MDGA2: variants seen among roughly 807,000 people sequenced by gnomAD.
The protein encoded by MDGA2 is MAM domain-containing glycosylphosphatidylinositol anchor protein 2.
Under a neutral mutation model 117.8 loss-of-function variants are expected in MDGA2, and 40 were observed. The ratio of observed to expected loss-of-function variants is 0.34; its 90% CI spans 0.26 to 0.44. MDGA2 has a LOEUF of 0.44. Among genes scored for constraint, MDGA2 ranks in the 20% least tolerant of loss-of-function variants. MDGA2 has a pLI of 1.00. For synonymous variants in MDGA2, 452 were observed against 439.0 expected, an observed-to-expected ratio of 1.03 and a Z score of -0.37; for missense variants, 1,123 against 1,250.6, an observed-to-expected ratio of 0.90 and a Z score of 1.54.
chr14:46,873,117 TC>T (rs1882081095), intron 14 of MDGA2, among the ~76,000 whole-genome samples: 1 of 151,996 alleles, frequency 6.6e-6, no homozygotes. Context: ...GAAGCATGTT[TC>T]TTCGGAAAGA....
rs1234572730 is a variant in MDGA2 at position 47,164,206 on chromosome 14, C to G, written c.596-19932G>C. On this transcript the variant is annotated intron_variant, in intron 3 of 16. Coordinates refer to ENST00000399232, the MANE Select transcript of MDGA2 (RefSeq NM_001113498.3). ...GCTATAAATTAACTCCATTCCCTCT[C>G]CCACTGGCCCTGAAAGCCTATGTGA... 2.0e-5 allele frequency among the ~76,000 whole-genome samples: 3 copies of G among 152,278 alleles called. No individual in the cohort carries two copies. The East Asian group carries it at 5.8e-4, about 29-fold the overall frequency.
intron 1 of MDGA2, among the ~76,000 whole-genome samples, chr14:47,474,139 G>T (rs568432869): frequency 6.6e-4 from 100 of 152,212 alleles, no homozygotes; most frequent in African/African-American, 2.0e-3. Context: ...AAACTCTCAG[G>T]ATACAAAAGA....
At chr14:47,299,982 T>TA (rs1206879709) in intron 2 of MDGA2, among the ~76,000 whole-genome samples, 1 of 152,236 alleles carries the variant, frequency 6.6e-6, no homozygotes, top group African/African-American at 2.4e-5. Flanking sequence ...GCATGAGTTT[T>TA]ATTAAACATA....
At chr14:47,444,258 G>A (rs972010657) in intron 1 of MDGA2, 3 of 167,164 alleles carry the variant, frequency 1.8e-5, no homozygotes, top group South Asian at 3.0e-4. Flanking sequence ...GTTGTACATC[G>A]AAGTTGAGGC....
At chr14:47,441,518 T>C (rs1490304337) in intron 1 of MDGA2, among the ~76,000 whole-genome samples, 2 of 152,178 alleles carry the variant, frequency 1.3e-5, no homozygotes, top group Non-Finnish European at 2.9e-5. Flanking sequence ...AATTAAGAGA[T>C]AATCTAACTC....
chr14:46,983,833 G>C (rs1886770406), intron 8 of MDGA2, among the ~76,000 whole-genome samples: 1 of 151,936 alleles, frequency 6.6e-6, no homozygotes, highest in South Asian at 2.1e-4. Flanking sequence ...TTCTCCATCT[G>C]ACAAACTGCT....
intron 8 of MDGA2, among the ~76,000 whole-genome samples, chr14:46,982,490 C>G (rs1291793073): frequency 6.6e-6 from 1 of 151,670 alleles, no homozygotes; most frequent in Non-Finnish European, 1.5e-5. Context: ...GCAGGCAGAT[C>G]ACGAGGTCAG....
intron 9 of MDGA2, among the ~76,000 whole-genome samples, chr14:46,955,184 C>G (rs1539222): frequency 0.4 from 60,746 of 151,726 alleles, 15,921 homozygotes; most frequent in African/African-American, 0.74. Context: ...TAAAATAGAA[C>G]TATTTATGTC....
chr14:47,170,070 G>T (rs987469121), intron 3 of MDGA2, among the ~76,000 whole-genome samples: 6 of 152,086 alleles, frequency 3.9e-5, no homozygotes, highest in Admixed American at 3.3e-4. Flanking sequence ...TCAATCACCA[G>T]AATAACTCCT....
intron 1 of MDGA2, among the ~76,000 whole-genome samples, chr14:47,456,369 C>T (rs964551125): frequency 5.3e-5 from 8 of 150,468 alleles, no homozygotes; most frequent in East Asian, 4.0e-4. Context: ...CTCGACTCAC[C>T]GCAACCTCTG....
intron 1 of MDGA2, among the ~76,000 whole-genome samples, chr14:47,470,326 T>C (rs892687271): frequency 5.4e-5 from 8 of 147,232 alleles, no homozygotes; most frequent in African/African-American, 2.0e-4. Flanking sequence ...CCATGTGTTC[T>C]CATTGTTCAA....
chr14:46,910,417 A>G (rs1595038234), intron 10 of MDGA2, among the ~76,000 whole-genome samples: 1 of 152,270 alleles, frequency 6.6e-6, no homozygotes, highest in South Asian at 2.1e-4. Context: ...TGACTCTTTT[A>G]GTGTCTCCCC....
intron 2 of MDGA2, chr14:47,299,429 C>T (rs1045861522): frequency 6.6e-6 from 1 of 152,154 alleles, no homozygotes; most frequent in Non-Finnish European, 1.5e-5. Context: ...CTCAATGAGT[C>T]TTCTCTTGCC....
intron 9 of MDGA2, among the ~76,000 whole-genome samples, chr14:46,926,065 T>C (rs1453538869): frequency 1.3e-5 from 2 of 152,278 alleles, no homozygotes; most frequent in East Asian, 3.9e-4. Flanking sequence ...GCTTGCAGAA[T>C]ACAGGAAAAA....
At chr14:47,107,630 T>A (rs369037143) in intron 5 of MDGA2, among the ~76,000 whole-genome samples, 4 of 151,456 alleles carry the variant, frequency 2.6e-5, no homozygotes, top group South Asian at 4.2e-4. Context: ...ATAATTCTCA[T>A]AAAAACACAC....
At chr14:47,367,839 C>T (rs549928315) in intron 1 of MDGA2, among the ~76,000 whole-genome samples, 1 of 152,152 alleles carries the variant, frequency 6.6e-6, no homozygotes, top group Non-Finnish European at 1.5e-5. Context: ...ATAAGATTAT[C>T]TATTACTAAA....
chr14:47,062,089 T>C (rs906821279), intron 6 of MDGA2, among the ~76,000 whole-genome samples: 1 of 152,052 alleles, frequency 6.6e-6, no homozygotes, highest in Non-Finnish European at 1.5e-5. Flanking sequence ...TTCGGTAATA[T>C]TTGAGTCCAT....
chr14:47,336,562 C>A (rs1890464357), intron 1 of MDGA2, among the ~76,000 whole-genome samples: 1 of 151,884 alleles, frequency 6.6e-6, no homozygotes, highest in Admixed American at 6.6e-5. Flanking sequence ...TATGTAACCA[C>A]AAATTATTTT....
chr14:47,082,332 G>A (rs1277936830), intron 6 of MDGA2, among the ~76,000 whole-genome samples: 8 of 144,580 alleles, frequency 5.5e-5, no homozygotes, highest in African/African-American at 2.5e-5. Flanking sequence ...TCCAGGGAAG[G>A]AAAAAAAAAA....
Sources: gnomAD v4.1 joint callset for allele counts (sites outside exome capture counted in the v4.1 genomes callset) on GRCh38, gnomAD v4.1.1 for gene constraint, MANE v1.5 for transcripts, NCBI Gene and HGNC (gene_info 2026-07-23, HGNC 2026-07-21) for gene names.